Variants in CASP8 observed in about 807,000 individuals in gnomAD.
CASP8 encodes caspase 8.
A neutral mutation model predicts 46.3 loss-of-function variants in CASP8; 24 were observed. That is an observed-to-expected ratio of 0.52 (90% CI 0.38 to 0.73). The LOEUF (loss-of-function observed/expected upper bound fraction) is 0.73. CASP8 is among the 30% of genes least tolerant of loss of function. The pLI is 0.00. For missense variants in CASP8, 460 were observed against 559.0 expected, an observed-to-expected ratio of 0.82 and a Z score of 1.79; for synonymous variants, 188 against 200.4, an observed-to-expected ratio of 0.94 and a Z score of 0.52.
intron 1 of CASP8, among the ~76,000 whole-genome samples, chr2:201,265,409 A>C (rs983418182): frequency 6.6e-5 from 10 of 151,852 alleles, no homozygotes; most frequent in Non-Finnish European, 1.5e-4. Context: ...TAAATACCGT[A>C]TGTTCTCACT....
rs1245077141 is a variant in CASP8 at position 201,286,770 on chromosome 2, C to T, written c.*176C>T. The T allele has an allele frequency of 3.7e-6, 2 of 542,920 alleles. No homozygotes were observed. The highest frequency in any genetic ancestry group is 3.0e-5 in the Admixed American group (1 of 33,620). The allele number at this position is 542,920 out of a possible 1,614,324, so 33.6% of individuals were successfully genotyped here. On this transcript the variant is annotated 3_prime_UTR_variant, in exon 9 of 9. Transcript: ENST00000673742. ...AGCTGGGACTACAGGGGCCCGCCAC[C>T]ACACCTGGCTAATTTTTTAAAAATA...
At chr2:201,256,450 T>G (rs1271223530), upstream of CASP8, among the ~76,000 whole-genome samples, 1 of 152,266 alleles carries the variant, frequency 6.6e-6, no homozygotes, top group Admixed American at 6.5e-5. Flanking sequence ...AATGGTTTGA[T>G]AAGTATTAGC....
chr2:201,286,463 G>T lies in CASP8; in HGVS notation c.1309G>T (p.Asp437Tyr), dbSNP rs746684914. ...ATATTATGTGATGTATTTCAGAGGC[G>T]ATGATATTCTCACCATCCTGACTGA... Reference protein sequence around the residue: ...QSLRERCPRGDDILTILTEVN... With the variant: ...QSLRERCPRGYDILTILTEVN... The change falls in exon 9 of 9, where the codon GAT (aspartate) becomes TAT (tyrosine). Residue 437 changes from aspartate (D) to tyrosine (Y), a missense_variant. Asp to Tyr is a radical substitution (Grantham distance 160). Coordinates refer to ENST00000673742, the MANE Select transcript of CASP8 (RefSeq NM_001372051.1). 6.2e-7 allele frequency: 1 copy of T among 1,612,500 alleles called. No individual in the cohort carries two copies. Among genetic ancestry groups the T allele is most frequent in the South Asian group, 1.1e-5 (1 of 91,042 alleles).
upstream of CASP8, among the ~76,000 whole-genome samples, chr2:201,259,821 C>T (rs373966402): frequency 6.6e-6 from 1 of 151,876 alleles, no homozygotes; most frequent in Non-Finnish European, 1.5e-5. Flanking sequence ...CACTCATATA[C>T]AAGGATCACC....
At chr2:201,254,057 GGCAACAAGA>G (rs950043655) in intron 2 of CASP8, among the ~76,000 whole-genome samples, 1 of 149,032 alleles carries the variant, frequency 6.7e-6, no homozygotes, top group Non-Finnish European at 1.5e-5. Flanking sequence ...CTCCAGCCTG[GGCAACAAGA>G]GCAAAACTCC....
chr2:201,267,064 C>G (rs995271750), intron 2 of CASP8, among the ~76,000 whole-genome samples: 1 of 151,818 alleles, frequency 6.6e-6, no homozygotes, highest in African/African-American at 2.4e-5. Context: ...GGAAGATGTC[C>G]CACCGGAGCC....
chr2:201,285,220 A>T lies in CASP8; in HGVS notation c.1207A>T (p.Met403Leu), dbSNP rs2125489147. 2 of 1,614,114 alleles carry T rather than the reference A, an allele frequency of 1.2e-6. No individual in the cohort carries two copies. Among genetic ancestry groups the T allele is most frequent in the Non-Finnish European group, 1.7e-6 (2 of 1,180,010 alleles). The change falls in exon 8 of 9, where the codon ATG becomes TTG. Residue 403 changes from methionine (M) to leucine (L), a missense_variant. By Grantham distance (15) the Met-to-Leu change is conservative. Coordinates refer to ENST00000673742, the MANE Select transcript of CASP8 (RefSeq NM_001372051.1). ...GGATGAGGCTGACTTTCTGCTGGGGATGGCCACTGTGAATAACTGTGTTTC... is the reference window on the plus strand; with the variant it reads ...GGATGAGGCTGACTTTCTGCTGGGGTTGGCCACTGTGAATAACTGTGTTTC... Reference protein sequence around the residue: ...IPDEADFLLGMATVNNCVSYR... With the variant: ...IPDEADFLLGLATVNNCVSYR...
chr2:201,271,023 C>T (rs907714128), intron 2 of CASP8, among the ~76,000 whole-genome samples: 2 of 152,102 alleles, frequency 1.3e-5, no homozygotes, highest in African/African-American at 4.8e-5. Flanking sequence ...TGTTTGGCTT[C>T]AGGTCCTTTC....
At chr2:201,267,591 G>A (rs972333647) in intron 2 of CASP8, among the ~76,000 whole-genome samples, 2 of 152,208 alleles carry the variant, frequency 1.3e-5, no homozygotes, top group African/African-American at 4.8e-5. Context: ...AACCAAAGGT[G>A]TGAGAGAGAA....
chr2:201,283,671 A>C (rs1316934734), intron 7 of CASP8, among the ~76,000 whole-genome samples: 1 of 78,214 alleles, frequency 1.3e-5, no homozygotes, highest in African/African-American at 4.1e-5. Flanking sequence ...CACCTCCCGG[A>C]CGGGGCGGAT....
At chr2:201,245,451 G>T (rs1336467278) in intron 2 of CASP8, among the ~76,000 whole-genome samples, 2 of 152,140 alleles carry the variant, frequency 1.3e-5, no homozygotes, top group Non-Finnish European at 2.9e-5. Flanking sequence ...ATGTTGGCTA[G>T]CCTGGTCTCG....
Position 201,262,260 on chromosome 2 carries a change from G to A in CASP8, c.-27+1647G>A, listed in dbSNP as rs117790054. ...TTTTCACAACAGAAAAATGGGGACA[G>A]TAATAGTAGTTTCTTCAGAGGCTTT... On this transcript the variant is annotated intron_variant, in intron 1 of 8. Transcript: ENST00000673742. 35 of 152,146 alleles carry A rather than the reference G, an allele frequency of 2.3e-4. No individual in the cohort carries two copies. In the East Asian group the frequency reaches 6.2e-3, roughly 27 times the overall value. 9.4% of individuals were successfully genotyped at this position (152,146 alleles called of 1,614,324 possible).
chr2:201,272,939 A>G lies in CASP8; in HGVS notation c.592A>G (p.Asn198Asp). Reference protein sequence around the residue: ...SLEGSPDEFSNGEELCGVMTI... With the variant: ...SLEGSPDEFSDGEELCGVMTI... ...TGAAGGAAGTCCTGATGAATTTTCA[A>G]ATGGTAATGCTTGGAGATACATTTT... The change falls in exon 5 of 9, where the codon AAT (asparagine) becomes GAT (aspartate). Residue 198 changes from asparagine (N) to aspartate (D), a missense_variant. Transcript: ENST00000673742. This position sits in a 1 kb window ranked among gnomAD's most constrained non-coding sequence, Gnocchi z 4.4. The G allele has an allele frequency of 6.2e-7, 1 of 1,613,698 alleles. No individual in the cohort carries two copies. The highest frequency in any genetic ancestry group is 8.5e-7 in the Non-Finnish European group (1 of 1,179,634).
chr2:201,264,608 C>G (rs1947663476), intron 1 of CASP8, among the ~76,000 whole-genome samples: 1 of 152,156 alleles, frequency 6.6e-6, no homozygotes, highest in Admixed American at 6.5e-5. Flanking sequence ...CTGAACATGT[C>G]TAAGATAGCT....
Position 201,272,801 on chromosome 2 carries a change from A to G in CASP8, c.550+25A>G. ...GGTAGAAACAACCTGACAGCCGGGAATCGGCAAAACCTACTCTAAAATTGA... is the reference window on the plus strand; with the variant it reads ...GGTAGAAACAACCTGACAGCCGGGAGTCGGCAAAACCTACTCTAAAATTGA... On this transcript the variant is annotated intron_variant, in intron 4 of 8. Transcript: ENST00000673742. The surrounding 1 kb of genome is among the most constrained non-coding windows in gnomAD (Gnocchi z 4.4). 6.2e-6 allele frequency: 10 copies of G among 1,614,194 alleles called. No individual in the cohort carries two copies. The highest frequency in any genetic ancestry group is 8.5e-6 in the Non-Finnish European group (10 of 1,180,006).
At chr2:201,278,382 G>GTCATT (rs1279403261) in intron 7 of CASP8, among the ~76,000 whole-genome samples, 1 of 152,076 alleles carries the variant, frequency 6.6e-6, no homozygotes, top group African/African-American at 2.4e-5. Flanking sequence ...TTGCTTTACA[G>GTCATT]TCATTTTTTT....
chr2:201,269,733 C>T lies in CASP8; in HGVS notation c.306-1783C>T, dbSNP rs547238272. 232 of 675,154 alleles carry T rather than the reference C, an allele frequency of 3.4e-4. 2 individuals carry two copies. The African/African-American group carries it at 3.6e-3, about 10-fold the overall frequency. The allele number at this position is 675,154 out of a possible 1,614,324, so 41.8% of individuals were successfully genotyped here. A position where few individuals can be genotyped will look rare whatever the true frequency, so the allele number is the denominator to read the frequency against. ...GCTAATAAATATGCTAGGGTGACCACTTACCATTATAAGAAAACACTAGAC... is the reference window on the plus strand; with the variant it reads ...GCTAATAAATATGCTAGGGTGACCATTTACCATTATAAGAAAACACTAGAC... On this transcript the variant is annotated intron_variant, in intron 2 of 8. Transcript: ENST00000673742.
upstream of CASP8, among the ~76,000 whole-genome samples, chr2:201,257,112 T>C (rs562100264): frequency 1.3e-5 from 2 of 151,292 alleles, no homozygotes; most frequent in Non-Finnish European, 2.9e-5. Context: ...ACCATTGCAC[T>C]CCAGCCTGGG....
At chr2:201,286,180 A>AC (rs1348133428) in intron 8 of CASP8, among the ~76,000 whole-genome samples, 2 of 152,220 alleles carry the variant, frequency 1.3e-5, no homozygotes, top group African/African-American at 4.8e-5. Context: ...AGAGTGAGAG[A>AC]CACACAGGTC....
Sources: allele counts gnomAD v4.1 joint callset (sites outside exome capture counted in the v4.1 genomes callset), GRCh38; gene constraint gnomAD v4.1.1; non-coding constraint Gnocchi (gnomAD v3.1); transcripts MANE v1.5; gene names NCBI Gene and HGNC (gene_info 2026-07-23, HGNC 2026-07-21).